CYFIP2: variants seen among roughly 807,000 people sequenced by gnomAD.
CYFIP2 encodes the protein cytoplasmic FMR1 interacting protein 2, also known as cytoplasmic FMR1-interacting protein 2.
A neutral mutation model predicts 158.7 loss-of-function variants in CYFIP2; 29 were observed. The observed-to-expected ratio is 0.18, with a 90% CI of 0.14 to 0.25. The LOEUF is 0.25. Ranked by LOEUF, CYFIP2 falls within the 10% of genes least tolerant of loss-of-function variation. The pLI, the probability that CYFIP2 is intolerant of heterozygous loss-of-function variation, is 1.00. For missense variants in CYFIP2, 852 were observed against 1,639.5 expected (o/e 0.52, Z 8.29); for synonymous variants, 585 against 617.6 (o/e 0.95, Z 0.78).
At chr5:157,313,896 G>A (rs921903093) in intron 11 of CYFIP2, among the ~76,000 whole-genome samples, 14 of 152,070 alleles carry the variant, frequency 9.2e-5, no homozygotes, top group Non-Finnish European at 1.5e-4. Flanking sequence ...TAGAAAATCA[G>A]AAGGAATCCC....
rs1759760204 is a variant in CYFIP2, at chr5:157,311,924, G to A, written c.1110+143G>A. On this transcript the variant is annotated intron_variant, in intron 11 of 30. Transcript: ENST00000620254. This position sits in a 1 kb window ranked among gnomAD's most constrained non-coding sequence, Gnocchi z 4.7. ...GAGGGTAAAGTGGCCAACAGCAGGGGTTTTGGAGCCAGGCAGACTGGGGTG... is the reference window on the plus strand; with the variant it reads ...GAGGGTAAAGTGGCCAACAGCAGGGATTTTGGAGCCAGGCAGACTGGGGTG... 4 of 714,504 alleles carry A rather than the reference G, an allele frequency of 5.6e-6. No individual in the cohort carries two copies. The highest frequency in any genetic ancestry group is 1.9e-5 in the South Asian group (1 of 53,202). The allele number at this position is 714,504 out of a possible 1,614,324, so 44.3% of individuals were successfully genotyped here.
chr5:157,302,219 G>A (rs1291424661), intron 6 of CYFIP2, among the ~76,000 whole-genome samples: 1 of 152,126 alleles, frequency 6.6e-6, no homozygotes, highest in African/African-American at 2.4e-5. Flanking sequence ...CCCATGTTAG[G>A]CTGGGAAGTC....
At chr5:157,379,785 G>T (rs1019911107) in intron 26 of CYFIP2, among the ~76,000 whole-genome samples, 1 of 148,434 alleles carries the variant, frequency 6.7e-6, no homozygotes, top group Non-Finnish European at 1.5e-5. Flanking sequence ...CTCTGTAACC[G>T]CCCAGCAGGT....
Position 157,311,210 on chromosome 5 carries a change from T to C in CYFIP2, c.993-454T>C, listed in dbSNP as rs1304599208. On this transcript the variant is annotated intron_variant, in intron 10 of 30. Transcript: ENST00000620254. The surrounding 1 kb of genome is among the most constrained non-coding windows in gnomAD (Gnocchi z 4.7). ...GGGCACTGTTGGAAAAGAGGCACAGTCACATTCATATTTCCGCAATCCCAG... is the reference window on the plus strand; with the variant it reads ...GGGCACTGTTGGAAAAGAGGCACAGCCACATTCATATTTCCGCAATCCCAG... 5 of 406,278 alleles carry C rather than the reference T, an allele frequency of 1.2e-5. No homozygotes were observed. The highest frequency in any genetic ancestry group is 2.0e-5 in the Non-Finnish European group (4 of 203,662). 25.2% of individuals were successfully genotyped at this position (406,278 alleles called of 1,614,324 possible).
intron 28 of CYFIP2, among the ~76,000 whole-genome samples, chr5:157,387,091 T>G (rs1766775249): frequency 1.3e-5 from 2 of 152,194 alleles, no homozygotes; most frequent in African/African-American, 4.8e-5. Flanking sequence ...TTGAAGTTAC[T>G]GATATATTAA....
chr5:157,369,883 T>TGTTTTG (rs748472608), intron 26 of CYFIP2, among the ~76,000 whole-genome samples: 16 of 137,476 alleles, frequency 1.2e-4, no homozygotes, highest in South Asian at 4.7e-4. Context: ...GACCTAGTTT[T>TGTTTTG]TTTTTTTTTT....
At chr5:157,374,158 C>T (rs1765247922) in intron 26 of CYFIP2, among the ~76,000 whole-genome samples, 1 of 152,112 alleles carries the variant, frequency 6.6e-6, no homozygotes, top group Admixed American at 6.5e-5. Flanking sequence ...TCGATCGATC[C>T]TGCTGCACCT....
chr5:157,316,861 A>G (rs1259019865), intron 13 of CYFIP2, among the ~76,000 whole-genome samples: 2 of 152,180 alleles, frequency 1.3e-5, no homozygotes, highest in Non-Finnish European at 2.9e-5. Flanking sequence ...CATCTCTCCA[A>G]GCTTCACTTT....
intron 14 of CYFIP2, 46 bp from the exon 15 acceptor site, chr5:157,320,609 T>C (rs1416546596): frequency 1.9e-6 from 3 of 1,612,086 alleles, no homozygotes; most frequent in Non-Finnish European, 1.7e-6. Flanking sequence ...TAGTGACGTT[T>C]TCCCATGGTG....
Position 157,319,888 on chromosome 5 carries a change from C to T in CYFIP2, c.1483C>T (p.Leu495=). Residue 495 remains leucine (L), a synonymous_variant, in exon 14 of 31, where the codon CTG becomes TTG. Coordinates refer to ENST00000620254, the MANE Select transcript of CYFIP2 (RefSeq NM_001037333.3). Reference sequence around the variant, plus strand: ...CGCCCAGGTGACGCTGCGTGAGCCCCTGCGGCAGGCGGTACGGAAGAAGAA... The same window carrying T: ...CGCCCAGGTGACGCTGCGTGAGCCCTTGCGGCAGGCGGTACGGAAGAAGAA... The part of the protein sequence containing the change: ...DFAQVTLREP[L]RQAVRKKKNV... 1 of 1,614,058 alleles carries T rather than the reference C, an allele frequency of 6.2e-7. No homozygotes were observed. Among genetic ancestry groups the T allele is most frequent in the Non-Finnish European group, 8.5e-7 (1 of 1,179,900 alleles).
chr5:157,335,717 T>C (rs911014330), intron 21 of CYFIP2, among the ~76,000 whole-genome samples: 2 of 152,200 alleles, frequency 1.3e-5, no homozygotes, highest in Non-Finnish European at 2.9e-5. Context: ...CACACATTTT[T>C]CTGAGAAATC....
At chr5:157,371,213 G>A (rs1764967217) in intron 26 of CYFIP2, among the ~76,000 whole-genome samples, 3 of 152,150 alleles carry the variant, frequency 2.0e-5, no homozygotes, top group Admixed American at 1.3e-4. Context: ...CACATTATGT[G>A]CCTCCATATA....
chr5:157,330,152 AT>A (rs1189822219), intron 19 of CYFIP2, among the ~76,000 whole-genome samples: 1 of 151,186 alleles, frequency 6.6e-6, no homozygotes, highest in African/African-American at 2.4e-5. Flanking sequence ...CCATTTTCTT[AT>A]TTTCAAAGCA....
At chr5:157,364,201 T>TGGGGGG (rs1330747273) in intron 26 of CYFIP2, 21 of 15,088 alleles carry the variant, frequency 1.4e-3, no homozygotes, top group Non-Finnish European at 2.2e-3. Flanking sequence ...TGGGGCGGGG[T>TGGGGGG]GGCGGGGGGG....
intron 3 of CYFIP2, among the ~76,000 whole-genome samples, chr5:157,293,801 G>T (rs1758030310): frequency 6.6e-6 from 1 of 152,150 alleles, no homozygotes; most frequent in Admixed American, 6.6e-5. Flanking sequence ...CAGTTATTAT[G>T]CAAATCAGTC....
Position 157,311,894 on chromosome 5 carries a change from G to A in CYFIP2, c.1110+113G>A. 1 of 1,016,108 alleles carries A rather than the reference G, an allele frequency of 9.8e-7. No homozygotes were observed. Among genetic ancestry groups the A allele is most frequent in the East Asian group, 2.7e-5 (1 of 37,452 alleles). 62.9% of individuals were successfully genotyped at this position (1,016,108 alleles called of 1,614,324 possible). On this transcript the variant is annotated intron_variant, in intron 11 of 30. Transcript: ENST00000620254. The surrounding 1 kb of genome is among the most constrained non-coding windows in gnomAD (Gnocchi z 4.7). ...AACACTGGAGAGTAGAAGGGAGGGA[G>A]GCAGGAGGGTAAAGTGGCCAACAGC...
At chr5:157,270,133 CCTT>C (rs776951745) in intron 1 of CYFIP2, among the ~76,000 whole-genome samples, 1 of 152,162 alleles carries the variant, frequency 6.6e-6, no homozygotes, top group Non-Finnish European at 1.5e-5. Flanking sequence ...GTAAATAGGA[CCTT>C]CTTGCGAGAT....
intron 18 of CYFIP2, among the ~76,000 whole-genome samples, chr5:157,327,443 TA>T (rs896149551): frequency 3.7e-4 from 56 of 151,980 alleles, no homozygotes; most frequent in African/African-American, 1.3e-3. Context: ...TGGGTGCCTG[TA>T]ATCCCAGCTA....
intron 26 of CYFIP2, among the ~76,000 whole-genome samples, chr5:157,381,572 T>A (rs1445416542): frequency 6.7e-6 from 1 of 148,376 alleles, no homozygotes; most frequent in African/African-American, 2.5e-5. Context: ...GTTTCCCCTC[T>A]GGATAAGAAA....
Sources: allele counts gnomAD v4.1 joint callset (sites outside exome capture counted in the v4.1 genomes callset), GRCh38; gene constraint gnomAD v4.1.1; non-coding constraint Gnocchi (gnomAD v3.1); transcripts MANE v1.5; gene names NCBI Gene and HGNC (gene_info 2026-07-23, HGNC 2026-07-21).